The following MTMR9 variants were observed in gnomAD, a reference collection of about 807,000 sequenced individuals.
MTMR9 encodes the protein myotubularin-related protein 9.
A neutral mutation model predicts 69.5 loss-of-function variants in MTMR9; 39 were observed. The ratio of observed to expected loss-of-function variants is 0.56; its 90% CI spans 0.43 to 0.73. MTMR9 has a LOEUF of 0.73. Among genes scored for constraint, MTMR9 ranks in the 30% least tolerant of loss-of-function variants. MTMR9 has a pLI of 0.00. For synonymous variants in MTMR9, 354 were observed against 240.8 expected (o/e 1.47, Z -4.35); for missense variants, 900 against 671.2 (o/e 1.34, Z -3.77).
intron 7 of MTMR9, among the ~76,000 whole-genome samples, chr8:11,315,681 A>T (rs1800386905): frequency 6.6e-6 from 1 of 152,238 alleles, no homozygotes; most frequent in Non-Finnish European, 1.5e-5. Flanking sequence ...TCCTCTGGTT[A>T]CAATTCGCAT....
intron 2 of MTMR9, chr8:11,297,979 G>A (rs1289101305): frequency 1.1e-5 from 5 of 455,980 alleles, no homozygotes; most frequent in African/African-American, 8.0e-5. Context: ...TTTTCATATA[G>A]CATAGCTGAG....
downstream of MTMR9, chr8:11,331,567 T>C: frequency 6.2e-7 from 1 of 1,613,888 alleles, no homozygotes; most frequent in Non-Finnish European, 8.5e-7. Context: ...AGCCAGGGTC[T>C]CGGTGGCTAC....
intron 6 of MTMR9, among the ~76,000 whole-genome samples, chr8:11,310,897 C>T (rs1174003621): frequency 6.6e-6 from 1 of 152,160 alleles, no homozygotes. Context: ...CTCATGATTT[C>T]CACCTTCATT....
chr8:11,285,165 GC>G, intron 1 of MTMR9, 95 bp downstream of exon 1: 1 of 1,263,044 alleles, frequency 7.9e-7, no homozygotes, highest in Non-Finnish European at 1.1e-6. Context: ...GCAGCCTGCC[GC>G]CCAGCTAGCC....
downstream of MTMR9, among the ~76,000 whole-genome samples, chr8:11,330,529 TAGAA>T (rs1801172006): frequency 6.6e-6 from 1 of 152,214 alleles, no homozygotes; most frequent in Non-Finnish European, 1.5e-5. Flanking sequence ...TGTGTCTGTG[TAGAA>T]AGAAGTAGAC....
intron 2 of MTMR9, among the ~76,000 whole-genome samples, chr8:11,299,113 A>G (rs923610613): frequency 6.6e-5 from 10 of 152,196 alleles, no homozygotes; most frequent in African/African-American, 2.2e-4. Context: ...AGATCACCTG[A>G]GGTCAGGAGT....
Position 11,296,098 on chromosome 8 carries a change from T to TAC in MTMR9, c.291+798_291+799dup, listed in dbSNP as rs1554500631. ...TTAGAATATTATTGTACCATATTATTACATATATATATACACATTATTACA... is the reference window on the plus strand; with the variant it reads ...TTAGAATATTATTGTACCATATTATTACACATATATATATACACATTATTACA... On this transcript the variant is annotated intron_variant, in intron 2 of 9. Coordinates refer to ENST00000221086, the MANE Select transcript of MTMR9 (RefSeq NM_015458.4). Among the ~76,000 whole-genome samples, 3 of 127,102 alleles carry TAC rather than the reference T, an allele frequency of 2.4e-5. No individual in the cohort carries two copies. In the East Asian group the frequency reaches 1.9e-3, roughly 80 times the overall value. The allele number at this position is 127,102 out of a possible 152,430, so 83.4% of individuals were successfully genotyped here.
downstream of MTMR9, among the ~76,000 whole-genome samples, chr8:11,329,387 C>T (rs1801098949): frequency 6.6e-6 from 1 of 152,244 alleles, no homozygotes; most frequent in African/African-American, 2.4e-5. Context: ...TGTACTGCTG[C>T]CATCTCGGCT....
At chr8:11,288,372 G>C (rs1246053198) in intron 1 of MTMR9, among the ~76,000 whole-genome samples, 2 of 141,626 alleles carry the variant, frequency 1.4e-5, no homozygotes, top group Non-Finnish European at 3.0e-5. Context: ...TATATATAAT[G>C]ATGTCAGGTA....
chr8:11,320,016 C>G (rs932700620), intron 9 of MTMR9, 178 bp downstream of exon 9: 3 of 414,140 alleles, frequency 7.2e-6, no homozygotes, highest in South Asian at 1.1e-4. Context: ...TCTAGCCACA[C>G]TTTTTTTTTT....
the MTMR9 span, among the ~76,000 whole-genome samples, chr8:11,337,350 G>A: frequency 6.6e-6 from 1 of 152,204 alleles, no homozygotes; most frequent in African/African-American, 2.4e-5. Flanking sequence ...GTAATAGGTG[G>A]TACAAGGTGC....
At position 11,295,349 on chromosome 8, in the gene MTMR9, T is replaced by C. The variant is rs3765196; in HGVS notation, c.291+47T>C. 9.9e-4 allele frequency: 1,043 copies of C among 1,050,934 alleles called. 9 individuals carry two copies. In the African/African-American group the frequency reaches 0.013, roughly 14 times the overall value. 65.1% of individuals were successfully genotyped at this position (1,050,934 alleles called of 1,614,324 possible). A position where few individuals can be genotyped will look rare whatever the true frequency, so the allele number is the denominator to read the frequency against. On this transcript the variant is annotated intron_variant, in intron 2 of 9. Transcript: ENST00000221086. ...TCTAATGAAACATAATTTTATATTA[T>C]GACTCAGTGTAGCTCTTCCATTTCT...
chr8:11,285,107 G>A, intron 1 of MTMR9, 37 bp downstream of exon 1: 2 of 1,499,476 alleles, frequency 1.3e-6, no homozygotes, highest in Non-Finnish European at 1.8e-6. Flanking sequence ...GCAGGGAGCC[G>A]GGGGTCCCTT....
chr8:11,319,633 A>G, intron 8 of MTMR9, 54 bp from the exon 9 acceptor site: 12 of 1,584,656 alleles, frequency 7.6e-6, no homozygotes, highest in Non-Finnish European at 1.0e-5. Context: ...AGGAGCACTC[A>G]ATAATGGTTG....
intron 6 of MTMR9, among the ~76,000 whole-genome samples, chr8:11,312,682 T>C (rs1489206516): frequency 2.6e-5 from 4 of 152,242 alleles, no homozygotes; most frequent in Admixed American, 2.0e-4. Context: ...ACAGATATTT[T>C]TAATGGCATC....
chr8:11,337,183 G>A, the MTMR9 span, among the ~76,000 whole-genome samples: 25 of 152,226 alleles, frequency 1.6e-4, no homozygotes, highest in East Asian at 4.8e-3. Flanking sequence ...TAGACTTGTT[G>A]CCTAGGCTTC....
In MTMR9 at chr8:11,327,395, A is replaced by C. The variant is rs1800982418; in HGVS notation, c.*4607A>C. On this transcript the variant is annotated 3_prime_UTR_variant, in exon 10 of 10. Coordinates refer to ENST00000221086, the MANE Select transcript of MTMR9 (RefSeq NM_015458.4). ...TCTTTAACCGTCTGCAGGTCTAAGG[A>C]TTAACTATATTTGTGATTTGTAATA... The C allele has an allele frequency of 1.3e-5, 2 of 152,224 alleles. No individual in the cohort carries two copies. Among genetic ancestry groups the C allele is most frequent in the Non-Finnish European group, 2.9e-5 (2 of 68,048 alleles). The allele number at this position is 152,224 out of a possible 1,614,324, so 9.4% of individuals were successfully genotyped here.
intron 1 of MTMR9, among the ~76,000 whole-genome samples, chr8:11,287,359 T>TC (rs1799200203): frequency 6.6e-6 from 1 of 152,170 alleles, no homozygotes; most frequent in Non-Finnish European, 1.5e-5. Context: ...ATTTACAAGG[T>TC]GCTGGGCTTT....
Position 11,300,068 on chromosome 8 carries a change from T to C in MTMR9, c.337T>C (p.Tyr113His). ...CATCACTCTGATGTACCCTTTCTTT[T>C]ACCGTCCTATGTTTGAAGTGATAGA... Reference protein sequence around the residue: ...DSITLMYPFFYRPMFEVIEDG... With the variant: ...DSITLMYPFFHRPMFEVIEDG... The change falls in exon 3 of 10, where the codon TAC (tyrosine) becomes CAC (histidine). Residue 113 changes from tyrosine to histidine, a missense_variant. Transcript: ENST00000221086. The C allele has an allele frequency of 1.2e-6, 2 of 1,613,702 alleles. No homozygotes were observed.
Sources: gnomAD v4.1 joint callset for allele counts (sites outside exome capture counted in the v4.1 genomes callset) on GRCh38, gnomAD v4.1.1 for gene constraint, MANE v1.5 for transcripts, NCBI Gene and HGNC (gene_info 2026-07-23, HGNC 2026-07-21) for gene names.